The following ATP8A2 variants were observed in gnomAD, a reference collection of about 807,000 sequenced individuals.
ATP8A2 encodes the protein phospholipid-transporting ATPase IB.
ATP8A2 carries 100 observed loss-of-function variants against 165.6 expected under a neutral mutation model. The observed-to-expected ratio is 0.60, with a 90% CI of 0.51 to 0.71. ATP8A2 has a LOEUF of 0.71. ATP8A2 is among the 30% of genes least tolerant of loss of function. The pLI is 0.00. For missense variants in ATP8A2, 1,227 were observed against 1,479.5 expected (o/e 0.83, Z 2.80); for synonymous variants, 543 against 548.8 (o/e 0.99, Z 0.15).
chr13:25,885,183 G>A (rs1413119135), intron 33 of ATP8A2, among the ~76,000 whole-genome samples: 1 of 141,612 alleles, frequency 7.1e-6, no homozygotes, highest in Non-Finnish European at 1.5e-5. Context: ...TGCGATCTTA[G>A]CTCACTGCAA....
At chr13:25,739,012 G>C (rs2043848950) in intron 25 of ATP8A2, among the ~76,000 whole-genome samples, 1 of 152,230 alleles carries the variant, frequency 6.6e-6, no homozygotes, top group South Asian at 2.1e-4. Context: ...GTGTGGGTGG[G>C]AGGCACGACT....
intron 2 of ATP8A2, among the ~76,000 whole-genome samples, chr13:25,476,956 C>G (rs187239036): frequency 6.6e-6 from 1 of 152,148 alleles, no homozygotes; most frequent in Non-Finnish European, 1.5e-5. Flanking sequence ...ATCCTGCAGA[C>G]GAAAATATTG....
intron 24 of ATP8A2, among the ~76,000 whole-genome samples, chr13:25,677,235 T>G (rs1309302294): frequency 2.0e-5 from 3 of 152,238 alleles, no homozygotes; most frequent in African/African-American, 7.2e-5. Context: ...AAGGTTTTAG[T>G]TCCTCAGATG....
intron 2 of ATP8A2, among the ~76,000 whole-genome samples, chr13:25,504,507 G>A (rs1386802284): frequency 2.7e-5 from 4 of 146,604 alleles, no homozygotes; most frequent in Non-Finnish European, 6.0e-5. Flanking sequence ...TTGGGAGGCC[G>A]AGGCGGGTGG....
chr13:25,869,208 A>G (rs1489688951), intron 33 of ATP8A2, among the ~76,000 whole-genome samples: 1 of 152,208 alleles, frequency 6.6e-6, no homozygotes, highest in African/African-American at 2.4e-5. Flanking sequence ...TCAGGCATCC[A>G]TCAGACAACA....
chr13:25,604,418 A>G (rs2040465310), intron 24 of ATP8A2, among the ~76,000 whole-genome samples: 1 of 152,210 alleles, frequency 6.6e-6, no homozygotes, highest in South Asian at 2.1e-4. Context: ...AGAAAACAAA[A>G]GAAGTTTACA....
intron 33 of ATP8A2, among the ~76,000 whole-genome samples, chr13:25,868,599 C>G (rs1222806058): frequency 6.6e-6 from 1 of 152,156 alleles, no homozygotes; most frequent in Non-Finnish European, 1.5e-5. Flanking sequence ...CAAGAAGTAA[C>G]ACACTGTGTT....
At chr13:25,376,036 A>G (rs1168175644) in intron 1 of ATP8A2, among the ~76,000 whole-genome samples, 1 of 152,210 alleles carries the variant, frequency 6.6e-6, no homozygotes, top group African/African-American at 2.4e-5. Context: ...GGCAGCTGAA[A>G]ATACAAGCCG....
intron 33 of ATP8A2, among the ~76,000 whole-genome samples, chr13:25,895,263 A>G (rs1435248395): frequency 1.3e-5 from 2 of 152,202 alleles, no homozygotes; most frequent in Non-Finnish European, 2.9e-5. Context: ...AATTTTGTCA[A>G]AGGCCTTTTC....
chr13:25,924,822 T>C (rs932538095), intron 33 of ATP8A2, among the ~76,000 whole-genome samples: 6 of 152,190 alleles, frequency 3.9e-5, no homozygotes, highest in Admixed American at 1.3e-4. Flanking sequence ...GTTCTCATAA[T>C]AGTGAATAAG....
intron 33 of ATP8A2, among the ~76,000 whole-genome samples, chr13:25,916,842 T>C (rs1954282663): frequency 2.0e-5 from 3 of 152,216 alleles, no homozygotes. Context: ...GCTTCTCTTC[T>C]TTCTGCCTCC....
chr13:25,679,426 G>A (rs1028580462), intron 24 of ATP8A2, among the ~76,000 whole-genome samples: 5 of 152,182 alleles, frequency 3.3e-5, no homozygotes, highest in African/African-American at 1.2e-4. Flanking sequence ...GAAGGCCAGG[G>A]ATAAACTTTG....
intron 25 of ATP8A2, among the ~76,000 whole-genome samples, chr13:25,705,516 T>G (rs561980529): frequency 6.6e-6 from 1 of 152,342 alleles, no homozygotes; most frequent in South Asian, 2.1e-4. Context: ...TCTGATATGT[T>G]TAGACTTCTG....
chr13:25,910,760 C>G (rs779875734), intron 33 of ATP8A2, among the ~76,000 whole-genome samples: 7 of 152,110 alleles, frequency 4.6e-5, no homozygotes, highest in Non-Finnish European at 8.8e-5. Context: ...TGTATTAATA[C>G]ATTAATAACA....
intron 1 of ATP8A2, among the ~76,000 whole-genome samples, chr13:25,413,825 A>G (rs1411352787): frequency 1.3e-5 from 2 of 152,100 alleles, no homozygotes; most frequent in African/African-American, 4.8e-5. Context: ...AGGGCTCTTT[A>G]TTCCCTTAAA....
In ATP8A2 at chr13:25,988,683, C is replaced by T. The variant is rs137921370; in HGVS notation, c.3377+20004C>T. 1.6e-4 allele frequency among the ~76,000 whole-genome samples: 24 copies of T among 152,262 alleles called. No homozygotes were observed. The East Asian group carries it at 4.3e-3, about 27-fold the overall frequency. On this transcript the variant is annotated intron_variant, in intron 35 of 36. Transcript: ENST00000381655. ...CTTTGTGACAGCTTATTTACCCACA[C>T]CCCACCTTATTTCCAAAAGGACTCC...
chr13:25,553,597 G>A (rs2038888822), intron 11 of ATP8A2, among the ~76,000 whole-genome samples, 196 bp from the exon 12 acceptor site: 1 of 152,188 alleles, frequency 6.6e-6, no homozygotes, highest in Non-Finnish European at 1.5e-5. Flanking sequence ...TACGTCCTGT[G>A]AGCCTCTCTT....
intron 24 of ATP8A2, among the ~76,000 whole-genome samples, chr13:25,650,336 A>C (rs1480526603): frequency 6.6e-6 from 1 of 152,160 alleles, no homozygotes; most frequent in Non-Finnish European, 1.5e-5. Flanking sequence ...GTGACCTCCT[A>C]TCCCACCATC....
At chr13:25,590,520 A>G (rs2040043043) in intron 24 of ATP8A2, among the ~76,000 whole-genome samples, 3 of 152,226 alleles carry the variant, frequency 2.0e-5, no homozygotes, top group African/African-American at 7.2e-5. Context: ...CCATCATGGC[A>G]TAAAGCCACT....
Sources: allele counts gnomAD v4.1 joint callset (sites outside exome capture counted in the v4.1 genomes callset), GRCh38; gene constraint gnomAD v4.1.1; transcripts MANE v1.5; gene names NCBI Gene and HGNC (gene_info 2026-07-23, HGNC 2026-07-21).